Variants in WDR72 observed in about 807,000 individuals in gnomAD.
The protein encoded by WDR72 is WD repeat-containing protein 72.
A neutral mutation model predicts 124.2 loss-of-function variants in WDR72; 120 were observed. That is an observed-to-expected ratio of 0.97 (90% CI 0.83 to 1.12). WDR72 has a LOEUF of 1.12. WDR72 is among the 50% of genes most tolerant of loss of function. The pLI is 0.00. For synonymous variants in WDR72, 452 were observed against 441.7 expected (o/e 1.02, Z -0.29); for missense variants, 1,387 against 1,278.8 (o/e 1.08, Z -1.29).
At chr15:53,597,024 T>C (rs1566976066) in intron 18 of WDR72, 55 bp downstream of exon 18, 8 of 1,552,160 alleles carry the variant, frequency 5.2e-6, no homozygotes, top group East Asian at 2.2e-5. Flanking sequence ...AGTTGGAGAC[T>C]ATCTATAGTA....
At position 53,722,799 on chromosome 15, in the gene WDR72, TACCC is replaced by T; in HGVS notation, c.259_260+2del. On this transcript the variant is annotated splice_donor_variant and coding_sequence_variant, in exon 3 of 20. Coordinates refer to ENST00000360509, the MANE Select transcript of WDR72 (RefSeq NM_182758.4). LOFTEE classifies it high-confidence loss of function. ...GGGGACAAAGTTTACATACCATACCTACCCATTTTCAGCAGCACTAACAATGTAG... is the reference window on the plus strand; with the variant it reads ...GGGGACAAAGTTTACATACCATACCTATTTTCAGCAGCACTAACAATGTAG... 6.2e-7 allele frequency: 1 copy of T among 1,612,810 alleles called. No homozygotes were observed. The highest frequency in any genetic ancestry group is 1.7e-5 in the Admixed American group (1 of 60,012).
intron 18 of WDR72, among the ~76,000 whole-genome samples, chr15:53,530,047 T>C (rs1892365431): frequency 6.6e-6 from 1 of 151,252 alleles, no homozygotes; most frequent in Non-Finnish European, 1.5e-5. Flanking sequence ...AACCATTTTT[T>C]GTGGCAAGCA....
chr15:53,649,027 A>T (rs549486387), intron 14 of WDR72, among the ~76,000 whole-genome samples: 1 of 152,208 alleles, frequency 6.6e-6, no homozygotes, highest in African/African-American at 2.4e-5. Flanking sequence ...GACAATAATA[A>T]AATATAGTTC....
intron 13 of WDR72, among the ~76,000 whole-genome samples, chr15:53,683,563 C>A (rs936803978): frequency 6.6e-6 from 1 of 152,058 alleles, no homozygotes; most frequent in Non-Finnish European, 1.5e-5. Flanking sequence ...TATGAAACAA[C>A]TGTCTTTGGC....
chr15:53,607,103 C>T (rs576823615), intron 17 of WDR72, among the ~76,000 whole-genome samples: 12 of 152,018 alleles, frequency 7.9e-5, no homozygotes, highest in African/African-American at 2.2e-4. Context: ...AAACATTCAT[C>T]GAATCAACGC....
chr15:53,599,160 T>C (rs1352453395), intron 17 of WDR72, among the ~76,000 whole-genome samples: 2 of 152,148 alleles, frequency 1.3e-5, no homozygotes, highest in African/African-American at 4.8e-5. Flanking sequence ...TTAAGTATTA[T>C]ATATGTTTCT....
intron 16 of WDR72, among the ~76,000 whole-genome samples, chr15:53,609,964 C>G (rs1238883095): frequency 1.3e-5 from 2 of 151,816 alleles, no homozygotes; most frequent in African/African-American, 4.8e-5. Context: ...TTTTGCTGAC[C>G]CAAGACAGAT....
Position 53,563,900 on chromosome 15 carries a change from A to G in WDR72, c.3148+33179T>C, listed in dbSNP as rs184635443. 4.2e-4 allele frequency among the ~76,000 whole-genome samples: 64 copies of G among 151,924 alleles called. 2 individuals carry two copies. Among genetic ancestry groups the G allele is most frequent in the Admixed American group, 3.7e-3 (57 of 15,200 alleles). On this transcript the variant is annotated intron_variant, in intron 18 of 19. Coordinates refer to ENST00000360509, the MANE Select transcript of WDR72 (RefSeq NM_182758.4). ...CATCAGCAATCTTGGGCTGACCTAAATGATAGTAAAAGCCGCTATGCTGTT... is the reference window on the plus strand; with the variant it reads ...CATCAGCAATCTTGGGCTGACCTAAGTGATAGTAAAAGCCGCTATGCTGTT...
intron 13 of WDR72, among the ~76,000 whole-genome samples, chr15:53,672,046 T>C (rs2016009895): frequency 6.6e-6 from 1 of 152,026 alleles, no homozygotes; most frequent in Non-Finnish European, 1.5e-5. Context: ...TCTAGATCCT[T>C]CCTAAGGAAT....
intron 14 of WDR72, among the ~76,000 whole-genome samples, chr15:53,617,287 C>G (rs1192900326): frequency 6.6e-6 from 1 of 151,178 alleles, no homozygotes; most frequent in Non-Finnish European, 1.5e-5. Flanking sequence ...CATGTAAATA[C>G]AAATAAATGA....
At chr15:53,649,149 G>A (rs984388631) in intron 14 of WDR72, among the ~76,000 whole-genome samples, 12 of 152,080 alleles carry the variant, frequency 7.9e-5, no homozygotes, top group Non-Finnish European at 1.0e-4. Context: ...ATGACCTGTA[G>A]GCCAAATCCT....
At chr15:53,735,479 T>C (rs1332889910) in intron 1 of WDR72, among the ~76,000 whole-genome samples, 1 of 152,206 alleles carries the variant, frequency 6.6e-6, no homozygotes, top group African/African-American at 2.4e-5. Context: ...GATAAGTTCA[T>C]TATTTTAATT....
chr15:53,645,420 T>A (rs2015006677), intron 14 of WDR72, among the ~76,000 whole-genome samples: 1 of 152,192 alleles, frequency 6.6e-6, no homozygotes, highest in African/African-American at 2.4e-5. Flanking sequence ...GCTCATTTCT[T>A]TTTTAATTAT....
chr15:53,519,212 A>G (rs1057343079), intron 19 of WDR72, among the ~76,000 whole-genome samples: 1 of 152,138 alleles, frequency 6.6e-6, no homozygotes. Context: ...ATGAGGAGCT[A>G]GAAATCCTTA....
intron 14 of WDR72, among the ~76,000 whole-genome samples, chr15:53,630,573 CAT>C (rs2014387063): frequency 6.6e-6 from 1 of 152,082 alleles, no homozygotes; most frequent in Admixed American, 6.5e-5. Flanking sequence ...AATCCATTAA[CAT>C]AACGTATCAT....
chr15:53,721,516 G>C (rs933309830), intron 3 of WDR72, among the ~76,000 whole-genome samples: 1 of 152,148 alleles, frequency 6.6e-6, no homozygotes, highest in African/African-American at 2.4e-5. Context: ...AAAAAGGAAT[G>C]TATTAGGACA....
chr15:53,568,135 C>A (rs1894369775), intron 18 of WDR72, among the ~76,000 whole-genome samples: 1 of 146,730 alleles, frequency 6.8e-6, no homozygotes, highest in South Asian at 2.2e-4. Flanking sequence ...CAATGAATAT[C>A]TGATTTTTAA....
intron 18 of WDR72, among the ~76,000 whole-genome samples, chr15:53,548,597 T>C (rs995151247): frequency 6.6e-6 from 1 of 151,724 alleles, no homozygotes; most frequent in African/African-American, 2.4e-5. Context: ...CTGAGGGAAC[T>C]ATCTGTAGTG....
chr15:53,616,236 T>C lies in WDR72; in HGVS notation c.1970A>G (p.Asp657Gly), dbSNP rs146114056. Residue 657 changes from aspartate to glycine, a missense_variant, in exon 15 of 20, where the codon GAT (aspartate) becomes GGT (glycine). By Grantham distance (94) the Asp-to-Gly change is moderately conservative. Transcript: ENST00000360509. ...AAAAGGTCTTGGGCAAAATTTGGCA[T>C]CAGTAACCTAAGGGAACAAAAAATA... ...LQVESSCKVT[D>G]AKFCPRPFNV... is the part of the protein sequence containing the mutation. The C allele has an allele frequency of 1.2e-6, 2 of 1,600,514 alleles. No homozygotes were observed. The highest frequency in any genetic ancestry group is 1.3e-5 in the African/African-American group (1 of 74,938).
Sources: gnomAD v4.1 joint callset for allele counts (sites outside exome capture counted in the v4.1 genomes callset) on GRCh38, gnomAD v4.1.1 for gene constraint, MANE v1.5 for transcripts, NCBI Gene and HGNC (gene_info 2026-07-23, HGNC 2026-07-21) for gene names.